Variants in LHFPL3 observed in about 807,000 individuals in gnomAD.
The protein encoded by LHFPL3 is LHFPL tetraspan subfamily member 3.
LHFPL3 carries 5 observed loss-of-function variants against 19.3 expected under a neutral mutation model. The observed-to-expected ratio is 0.26, with a 90% confidence interval of 0.14 to 0.54. The LOEUF (loss-of-function observed/expected upper bound fraction) is 0.54, where lower values mean the gene tolerates loss of function less well. Among genes scored for constraint, LHFPL3 ranks in the 20% least tolerant of loss-of-function variants. The pLI is 0.94. For missense variants in LHFPL3, 249 were observed against 307.4 expected (o/e 0.81, Z 1.42); for synonymous variants, 133 against 126.2 (o/e 1.05, Z -0.36).
intron 1 of LHFPL3, among the ~76,000 whole-genome samples, chr7:104,711,480 G>A (rs1425451665): frequency 6.6e-6 from 1 of 152,216 alleles, no homozygotes; most frequent in Non-Finnish European, 1.5e-5. Flanking sequence ...TGGAGATGAT[G>A]TCCAAGGCAG....
At chr7:104,526,173 T>G (rs1166156617) in intron 1 of LHFPL3, among the ~76,000 whole-genome samples, 6 of 152,194 alleles carry the variant, frequency 3.9e-5, no homozygotes, top group Non-Finnish European at 1.5e-5. Context: ...CCTCAAGTGT[T>G]TTTGAAAATT....
At chr7:104,513,902 G>A (rs1793869073) in intron 1 of LHFPL3, among the ~76,000 whole-genome samples, 1 of 152,104 alleles carries the variant, frequency 6.6e-6, no homozygotes, top group Non-Finnish European at 1.5e-5. Context: ...CTCATTTGTG[G>A]GTACACTTAT....
intron 1 of LHFPL3, among the ~76,000 whole-genome samples, chr7:104,717,561 A>G (rs1434997394): frequency 2.0e-5 from 3 of 152,188 alleles, no homozygotes; most frequent in Admixed American, 6.5e-5. Flanking sequence ...AATATGCCCA[A>G]TGTCACTAAT....
rs34708780 is a variant in LHFPL3 at position 104,635,840 on chromosome 7, G to GA, written c.446-100832dup. On this transcript the variant is annotated intron_variant, in intron 1 of 2. Transcript: ENST00000424859. ...AGCTCAGTCCATCAAAGATGCAATA[G>GA]AAAGCTAGAAGACTCTAAGAGGAAT... Among the ~76,000 whole-genome samples, 680 of 152,260 alleles carry GA rather than the reference G, an allele frequency of 4.5e-3. 41 individuals carry two copies. In the East Asian group the frequency reaches 0.11, roughly 25 times the overall value.
chr7:104,623,163 C>T (rs1791480210), intron 1 of LHFPL3: 1 of 170,966 alleles, frequency 5.8e-6, no homozygotes, highest in Non-Finnish European at 1.3e-5. Flanking sequence ...GTTCTAGATA[C>T]TAATTTGATA....
At chr7:104,639,832 A>T (rs1191235332) in intron 1 of LHFPL3, among the ~76,000 whole-genome samples, 1 of 152,218 alleles carries the variant, frequency 6.6e-6, no homozygotes, top group African/African-American at 2.4e-5. Flanking sequence ...ACATCAAATA[A>T]TTCCTCTAAA....
At chr7:104,878,515 CTG>C (rs1357267582) in intron 2 of LHFPL3, among the ~76,000 whole-genome samples, 2 of 152,130 alleles carry the variant, frequency 1.3e-5, no homozygotes, top group African/African-American at 4.8e-5. Flanking sequence ...AAGTTAATAA[CTG>C]TGTGTTCTGA....
intron 1 of LHFPL3, among the ~76,000 whole-genome samples, chr7:104,468,658 C>CT (rs11388073): frequency 0.48 from 65,524 of 137,152 alleles, 16,484 homozygotes; most frequent in East Asian, 0.6. Context: ...TTGTATAAAC[C>CT]TTTTTTTTTT....
chr7:104,905,283 C>A (rs745374764), intron 2 of LHFPL3, among the ~76,000 whole-genome samples: 4 of 151,916 alleles, frequency 2.6e-5, no homozygotes, highest in Non-Finnish European at 4.4e-5. Context: ...ATAAATAGAT[C>A]TTTATATAAA....
In LHFPL3 at chr7:104,329,021, G is replaced by A. The variant is rs1562865534; in HGVS notation, c.242G>A (p.Gly81Asp). 1 of 1,614,068 alleles carries A rather than the reference G, an allele frequency of 6.2e-7. No individual in the cohort carries two copies. Among genetic ancestry groups the A allele is most frequent in the Non-Finnish European group, 8.5e-7 (1 of 1,179,926 alleles). ...TTCGGGCTCTTCCACTACTGCATCG[G>A]CAACGGCTTCTCCCGGGAGCTGACC... ...GYFGLFHYCI[G>D]NGFSRELTCR... Residue 81 changes from glycine (G) to aspartate (D), a missense_variant, in exon 1 of 3, where the codon GGC becomes GAC. By Grantham distance (94) the Gly-to-Asp change is moderately conservative. Coordinates refer to ENST00000424859, the MANE Select transcript of LHFPL3 (RefSeq NM_199000.3).
At chr7:104,869,272 C>T (rs1022934311) in intron 2 of LHFPL3, among the ~76,000 whole-genome samples, 5 of 152,112 alleles carry the variant, frequency 3.3e-5, no homozygotes, top group Non-Finnish European at 7.4e-5. Flanking sequence ...TTCTGCACAG[C>T]AAAAGAAACT....
chr7:104,870,764 G>A (rs549327623), intron 2 of LHFPL3, among the ~76,000 whole-genome samples: 1 of 152,260 alleles, frequency 6.6e-6, no homozygotes, highest in East Asian at 1.9e-4. Context: ...GTCACCTGAG[G>A]CAGATCCAAA....
chr7:104,556,483 T>A (rs142758152), intron 1 of LHFPL3, among the ~76,000 whole-genome samples: 18 of 152,330 alleles, frequency 1.2e-4, no homozygotes, highest in South Asian at 4.1e-4. Context: ...CCTTGGCCCC[T>A]TTTAGTCACT....
At chr7:104,370,086 G>C (rs1345273414) in intron 1 of LHFPL3, among the ~76,000 whole-genome samples, 2 of 152,160 alleles carry the variant, frequency 1.3e-5, no homozygotes, top group Non-Finnish European at 1.5e-5. Context: ...TTTCACAGAG[G>C]TAGCCAGTGT....
At chr7:104,568,312 A>G (rs761316560) in intron 1 of LHFPL3, among the ~76,000 whole-genome samples, 1 of 152,222 alleles carries the variant, frequency 6.6e-6, no homozygotes, top group Non-Finnish European at 1.5e-5. Flanking sequence ...ATCTTGTGCT[A>G]AAGGCACTTG....
At position 104,453,276 on chromosome 7, in the gene LHFPL3, G is replaced by A. The variant is rs183354679; in HGVS notation, c.445+124052G>A. On this transcript the variant is annotated intron_variant, in intron 1 of 2. Transcript: ENST00000424859. Reference sequence around the variant, plus strand: ...TAATTATACTTTAAGTTTTAGGGGTGGAGAATTTTTAAGCACTAGGGGGAG... The same window carrying A: ...TAATTATACTTTAAGTTTTAGGGGTAGAGAATTTTTAAGCACTAGGGGGAG... Among the ~76,000 whole-genome samples the A allele has an allele frequency of 7.0e-4, 105 of 151,072 alleles. 1 individual carries two copies. Among genetic ancestry groups the A allele is most frequent in the Admixed American group, 5.9e-4 (9 of 15,196 alleles).
intron 1 of LHFPL3, chr7:104,669,064 A>C: frequency 7.4e-6 from 12 of 1,612,324 alleles, no homozygotes; most frequent in Non-Finnish European, 1.0e-5. Context: ...AAGGAGAGAG[A>C]GTGAGAAGTC....
At chr7:104,609,977 T>A (rs1359103190) in intron 1 of LHFPL3, among the ~76,000 whole-genome samples, 1 of 152,176 alleles carries the variant, frequency 6.6e-6, no homozygotes, top group Non-Finnish European at 1.5e-5. Context: ...CAAGAACACC[T>A]TTTCTCTACC....
intron 1 of LHFPL3, among the ~76,000 whole-genome samples, chr7:104,331,027 G>T (rs561571737): frequency 3.9e-5 from 6 of 152,074 alleles, no homozygotes; most frequent in African/African-American, 1.4e-4. Flanking sequence ...TCTCAACAAC[G>T]TATTCTTCAA....
Sources: gnomAD v4.1 joint callset for allele counts (sites outside exome capture counted in the v4.1 genomes callset) on GRCh38, gnomAD v4.1.1 for gene constraint, MANE v1.5 for transcripts, NCBI Gene and HGNC (gene_info 2026-07-23, HGNC 2026-07-21) for gene names.